The following ERMAP variants were observed in gnomAD, a reference collection of about 807,000 sequenced individuals.
ERMAP encodes erythroblast membrane associated protein (Scianna blood group).
In ERMAP, 34 loss-of-function variants were observed where a neutral mutation model predicts 49.5. The observed-to-expected ratio is 0.69, with a 90% CI of 0.52 to 0.91. The LOEUF (loss-of-function observed/expected upper bound fraction) is 0.91, where lower values mean the gene tolerates loss of function less well. Among genes scored for constraint, ERMAP ranks in the 40% least tolerant of loss-of-function variants. The pLI, the probability that ERMAP is intolerant of heterozygous loss-of-function variation, is 0.00. For synonymous variants in ERMAP, 214 were observed against 232.2 expected, an observed-to-expected ratio of 0.92 and a Z score of 0.71; for missense variants, 541 against 582.6, an observed-to-expected ratio of 0.93 and a Z score of 0.74.
At chr1:42,827,091 A>G (rs969344120) in intron 2 of ERMAP, among the ~76,000 whole-genome samples, 7 of 152,238 alleles carry the variant, frequency 4.6e-5, no homozygotes, top group Non-Finnish European at 8.8e-5. Flanking sequence ...TCATGTAAAG[A>G]AGATTTGATT....
At position 42,843,888 on chromosome 1, in the gene ERMAP, C is replaced by A. The variant is rs1029593759; in HGVS notation, c.*656C>A. ...TCTGCCTGTTGATGGTAACTAGGTA[C>A]AGCGACTTTAAATACAGTTGCTATA... On this transcript the variant is annotated 3_prime_UTR_variant, in exon 12 of 12. Transcript: ENST00000372517. 2.5e-6 allele frequency: 1 copy of A among 396,046 alleles called. No individual in the cohort carries two copies. Among genetic ancestry groups the A allele is most frequent in the Non-Finnish European group, 4.4e-6 (1 of 224,926 alleles). 24.5% of individuals were successfully genotyped at this position (396,046 alleles called of 1,614,324 possible).
At chr1:42,835,445 C>T (rs1486855204) in intron 5 of ERMAP, among the ~76,000 whole-genome samples, 1 of 152,152 alleles carries the variant, frequency 6.6e-6, no homozygotes, top group African/African-American at 2.4e-5. Context: ...AATTACAGCC[C>T]TTTAATAAAG....
rs1232849661 is a variant in ERMAP at position 42,843,266 on chromosome 1, C to T, written c.*34C>T. Reference sequence around the variant, plus strand: ...CACATTACCTGCTCCCATCACCATCCAGCCCAGCACCCTGGACTTCAGTCG... The same window carrying T: ...CACATTACCTGCTCCCATCACCATCTAGCCCAGCACCCTGGACTTCAGTCG... On this transcript the variant is annotated 3_prime_UTR_variant, in exon 12 of 12. Coordinates refer to ENST00000372517, the MANE Select transcript of ERMAP (RefSeq NM_001017922.2). The T allele has an allele frequency of 6.8e-7, 1 of 1,480,876 alleles. No individual in the cohort carries two copies. Among genetic ancestry groups the T allele is most frequent in the South Asian group, 1.3e-5 (1 of 74,526 alleles). 91.7% of individuals were successfully genotyped at this position (1,480,876 alleles called of 1,614,324 possible).
intron 5 of ERMAP, 63 bp downstream of exon 5, chr1:42,835,217 G>T (rs1336648730): frequency 2.5e-6 from 2 of 800,008 alleles, no homozygotes; most frequent in Non-Finnish European, 4.6e-6. Flanking sequence ...TCTGGGAAAG[G>T]GCCAGACGGA....
At position 42,842,844 on chromosome 1, in the gene ERMAP, C is replaced by A; in HGVS notation, c.1040C>A (p.Thr347Asn). ...NEYEALTSPQ[T>N]SFRLKEPPRC... ...TATGAAGCTCTCACATCCCCGCAGACCTCCTTCCGCCTTAAAGAGCCTCCA... is the reference window on the plus strand; with the variant it reads ...TATGAAGCTCTCACATCCCCGCAGAACTCCTTCCGCCTTAAAGAGCCTCCA... The change falls in exon 12 of 12, where the codon ACC (threonine) becomes AAC (asparagine). Residue 347 changes from threonine to asparagine, a missense_variant. Thr to Asn is a moderately conservative substitution (Grantham distance 65). Transcript: ENST00000372517. 3 of 1,614,186 alleles carry A rather than the reference C, an allele frequency of 1.9e-6. No homozygotes were observed. Among genetic ancestry groups the A allele is most frequent in the Non-Finnish European group, 1.7e-6 (2 of 1,180,042 alleles).
chr1:42,817,268 C>G lies in ERMAP; in HGVS notation c.-122+15C>G. ...CCTCCGGGAGGGTAATCCTCGCCTT[C>G]CCCCGACCACTGGACCCAGCGCTGC... On this transcript the variant is annotated intron_variant, in intron 1 of 11. Transcript: ENST00000372517. The G allele has an allele frequency of 8.1e-7, 1 of 1,241,176 alleles. No homozygotes were observed. Among genetic ancestry groups the G allele is most frequent in the Non-Finnish European group, 1.0e-6 (1 of 964,232 alleles). The allele number at this position is 1,241,176 out of a possible 1,614,324, so 76.9% of individuals were successfully genotyped here.
Position 42,831,030 on chromosome 1 carries a change from G to A in ERMAP, c.348G>A (p.Val116=). ...EGSVTLQILD[V]RLEDQGSYRC... ...GTGTCACTCTGCAGATCCTTGACGTGCGCCTTGAGGACCAAGGGTCTTACC... is the reference window on the plus strand; with the variant it reads ...GTGTCACTCTGCAGATCCTTGACGTACGCCTTGAGGACCAAGGGTCTTACC... The change falls in exon 4 of 12, where the codon GTG becomes GTA. Residue 116 remains valine, a synonymous_variant. Transcript: ENST00000372517. 6.2e-7 allele frequency: 1 copy of A among 1,614,230 alleles called. No homozygotes were observed. The highest frequency in any genetic ancestry group is 1.1e-5 in the South Asian group (1 of 91,082).
chr1:42,837,445 C>T lies in ERMAP; in HGVS notation c.616+255C>T, dbSNP rs34028726. On this transcript the variant is annotated intron_variant, in intron 7 of 11. Coordinates refer to ENST00000372517, the MANE Select transcript of ERMAP (RefSeq NM_001017922.2). ...CATAAACTCCCTTCATTAGCCTTTC[C>T]GCCAACCATTTTAAAAAGAAGTCTA... Among the ~76,000 whole-genome samples the T allele has an allele frequency of 3.5e-3, 532 of 152,166 alleles. 5 individuals carry two copies. The highest frequency in any genetic ancestry group is 0.012 in the African/African-American group (479 of 41,492).
chr1:42,837,561 G>C lies in ERMAP; in HGVS notation c.616+371G>C, dbSNP rs143992668. 2.0e-4 allele frequency: 32 copies of C among 159,040 alleles called. No homozygotes were observed. In the East Asian group the frequency reaches 4.6e-3, roughly 23 times the overall value. 9.9% of individuals were successfully genotyped at this position (159,040 alleles called of 1,614,324 possible). ...ACCTTTGCATAGAGAGAGGTGGTAT[G>C]ATACAAAGGAAGGGTCGCAGGCTCT... On this transcript the variant is annotated intron_variant, in intron 7 of 11. Coordinates refer to ENST00000372517, the MANE Select transcript of ERMAP (RefSeq NM_001017922.2).
chr1:42,822,174 T>A (rs1654421647), intron 1 of ERMAP, among the ~76,000 whole-genome samples: 2 of 151,830 alleles, frequency 1.3e-5, no homozygotes, highest in Admixed American at 1.3e-4. Context: ...ATATAAATCC[T>A]TTTTAAAAAA....
intron 11 of ERMAP, chr1:42,842,153 C>G (rs35303774): frequency 0.011 from 2,365 of 214,658 alleles, 65 homozygotes; most frequent in African/African-American, 0.053. Context: ...GTGAAGGACC[C>G]AAACACTTCC....
At chr1:42,817,381 CG>C in intron 1 of ERMAP, 128 bp downstream of exon 1, 1 of 509,078 alleles carries the variant, frequency 2.0e-6, no homozygotes, top group Non-Finnish European at 2.7e-6. Context: ...CCCGCAGGAG[CG>C]GCCGCGCGTG....
chr1:42,842,444 T>C lies in ERMAP; in HGVS notation c.713-73T>C, dbSNP rs1655082813. ...AGTGATGGCAGACCTAAGATTCTTT[T>C]TCCCTCCAAAGCCATCCCCAAATCC... On this transcript the variant is annotated intron_variant, in intron 11 of 11. Transcript: ENST00000372517. The C allele has an allele frequency of 2.9e-6, 4 of 1,369,104 alleles. No homozygotes were observed. In the Admixed American group the frequency reaches 6.9e-5, roughly 24 times the overall value. 84.8% of individuals were successfully genotyped at this position (1,369,104 alleles called of 1,614,324 possible).
At chr1:42,834,699 G>A (rs1654842345) in intron 4 of ERMAP, 1 of 236,510 alleles carries the variant, frequency 4.2e-6, no homozygotes, top group Non-Finnish European at 8.5e-6. Flanking sequence ...GGGATTACAG[G>A]TGCCCGCCAC....
intron 1 of ERMAP, chr1:42,817,543 T>G (rs546346422): frequency 6.4e-6 from 1 of 156,704 alleles, no homozygotes; most frequent in African/African-American, 2.4e-5. Context: ...GCTACTAGGT[T>G]TTAGAGGGTG....
intron 1 of ERMAP, among the ~76,000 whole-genome samples, chr1:42,818,352 A>G (rs114933327): frequency 0.014 from 2,194 of 152,386 alleles, 65 homozygotes; most frequent in South Asian, 0.11. Context: ...AGAAACAGAA[A>G]GTAGAATGGT....
chr1:42,822,025 AAAAG>A (rs911073584), intron 1 of ERMAP, among the ~76,000 whole-genome samples: 3 of 150,834 alleles, frequency 2.0e-5, no homozygotes, highest in African/African-American at 7.3e-5. Flanking sequence ...AAAAAAAAAA[AAAAG>A]AAAACTAAGA....
rs749955463 is a variant in ERMAP, at chr1:42,842,963, T to G, written c.1159T>G (p.Phe387Val). The G allele has an allele frequency of 1.2e-6, 2 of 1,614,112 alleles. No homozygotes were observed. The highest frequency in any genetic ancestry group is 2.7e-5 in the African/African-American group (2 of 74,944). ...KSHIFTFTHNFSGPLRPFFEP... is the reference protein window; with the variant it reads ...KSHIFTFTHNVSGPLRPFFEP... ...CCACATCTTTACTTTCACCCACAATTTCTCTGGCCCCCTTCGCCCTTTCTT... is the reference window on the plus strand; with the variant it reads ...CCACATCTTTACTTTCACCCACAATGTCTCTGGCCCCCTTCGCCCTTTCTT... The change falls in exon 12 of 12, where the codon TTC becomes GTC. Residue 387 changes from phenylalanine to valine, a missense_variant. Phe to Val is a conservative substitution (Grantham distance 50, BLOSUM62 -1). Transcript: ENST00000372517.
rs574311467 is a variant in ERMAP at position 42,843,196 on chromosome 1, C to T, written c.1392C>T (p.Gly464=). Residue 464 remains glycine, a synonymous_variant, in exon 12 of 12, where the codon GGC becomes GGT. Coordinates refer to ENST00000372517, the MANE Select transcript of ERMAP (RefSeq NM_001017922.2). ...TCCTGTCCTTGCCCCCTGACCTTGG[C>T]CCAGCCCTTCAGGAGCTCAAGGCTC... is the stretch of plus-strand genomic sequence containing the variant. ...DIILSLPPDL[G]PALQELKAPS... 9 of 1,604,968 alleles carry T rather than the reference C, an allele frequency of 5.6e-6. No homozygotes were observed. In the East Asian group the frequency reaches 1.8e-4, roughly 32 times the overall value.
Sources: gnomAD v4.1 joint callset for allele counts (sites outside exome capture counted in the v4.1 genomes callset) on GRCh38, gnomAD v4.1.1 for gene constraint, MANE v1.5 for transcripts, NCBI Gene and HGNC (gene_info 2026-07-23, HGNC 2026-07-21) for gene names.